Variants in CCDC7 observed in about 807,000 individuals in gnomAD.
CCDC7 encodes coiled-coil domain-containing protein 7.
CCDC7 carries 183 observed loss-of-function variants against 196.9 expected under a neutral mutation model. The observed-to-expected ratio is 0.93, with a 90% CI of 0.82 to 1.05. The LOEUF is 1.05. CCDC7 is among the 50% of genes least tolerant of loss of function. The pLI is 0.00. For synonymous variants in CCDC7, 525 were observed against 484.6 expected (o/e 1.08, Z -1.10); for missense variants, 1,540 against 1,482.2 (o/e 1.04, Z -0.64).
chr10:32,577,854 G>A (rs985268781), intron 16 of CCDC7, among the ~76,000 whole-genome samples: 2 of 152,178 alleles, frequency 1.3e-5, no homozygotes, highest in Non-Finnish European at 2.9e-5. Context: ...CCCATAATGC[G>A]ATAGGAATGT....
At chr10:32,607,854 T>C (rs1292243958) in intron 18 of CCDC7, among the ~76,000 whole-genome samples, 1 of 152,182 alleles carries the variant, frequency 6.6e-6, no homozygotes, top group African/African-American at 2.4e-5. Context: ...AATTTTCTCT[T>C]CAATTTTATG....
upstream of CCDC7, among the ~76,000 whole-genome samples, chr10:32,444,574 C>A (rs1028463754): frequency 6.6e-6 from 1 of 152,176 alleles, no homozygotes; most frequent in Non-Finnish European, 1.5e-5. Flanking sequence ...TAGAAAATAA[C>A]TGAAATTGGC....
intron 20 of CCDC7, among the ~76,000 whole-genome samples, chr10:32,641,317 A>G (rs936148707): frequency 3.3e-5 from 5 of 152,180 alleles, no homozygotes; most frequent in African/African-American, 1.2e-4. Context: ...GTCTTTTCAC[A>G]TAGTCCCATA....
At chr10:32,549,385 T>A (rs2053086827) in intron 13 of CCDC7, among the ~76,000 whole-genome samples, 1 of 152,212 alleles carries the variant, frequency 6.6e-6, no homozygotes, top group South Asian at 2.1e-4. Flanking sequence ...CTGCTGACTG[T>A]TCCTTTTGCC....
At chr10:32,572,622 T>C (rs2057709759) in intron 16 of CCDC7, among the ~76,000 whole-genome samples, 1 of 152,148 alleles carries the variant, frequency 6.6e-6, no homozygotes, top group African/African-American at 2.4e-5. Flanking sequence ...TAACTAAACA[T>C]ATACTAAAAA....
Position 32,711,592 on chromosome 10 carries a change from A to G in CCDC7, c.2459-28A>G, listed in dbSNP as rs2080848553. Reference sequence around the variant, plus strand: ...TTCATAGTAGATTTGTTTTTCTAGTAAGGGACTAAATTTCTCTCTTAACAT... The same window carrying G: ...TTCATAGTAGATTTGTTTTTCTAGTGAGGGACTAAATTTCTCTCTTAACAT... On this transcript the variant is annotated intron_variant, in intron 24 of 41. Transcript: ENST00000639629. 3 of 1,355,196 alleles carry G rather than the reference A, an allele frequency of 2.2e-6. No individual in the cohort carries two copies. The African/African-American group carries it at 4.5e-5, about 20-fold the overall frequency. 83.9% of individuals were successfully genotyped at this position (1,355,196 alleles called of 1,614,324 possible).
In CCDC7 at chr10:32,462,150, C is replaced by T. The variant is rs114400575; in HGVS notation, c.457-533C>T. Among the ~76,000 whole-genome samples the T allele has an allele frequency of 8.6e-3, 1,303 of 152,098 alleles. 27 individuals are homozygous for T. The highest frequency in any genetic ancestry group is 0.029 in the African/African-American group (1,203 of 41,492). On this transcript the variant is annotated intron_variant, in intron 3 of 41. Transcript: ENST00000639629. ...CCACCTAATATAGATATATTAGGGC[C>T]AGGCATGATGGCTCATGCTCAGTGT...
At chr10:32,707,534 C>T (rs1386365187) in intron 24 of CCDC7, among the ~76,000 whole-genome samples, 4 of 152,106 alleles carry the variant, frequency 2.6e-5, no homozygotes, top group Non-Finnish European at 5.9e-5. Context: ...TCAAATTATC[C>T]CTGTTTGCAG....
rs530534728 is a variant in CCDC7 at position 32,579,720 on chromosome 10, G to A, written c.1455-3314G>A. On this transcript the variant is annotated intron_variant, in intron 16 of 41. Coordinates refer to ENST00000639629, the Ensembl canonical transcript of CCDC7. ...ACTTAATCTGAGATTATGGTGTCCC[G>A]TAATTCCTTAGCTACCTGATCACTA... Among the ~76,000 whole-genome samples the A allele has an allele frequency of 9.2e-5, 14 of 152,128 alleles. No homozygotes were observed. In the East Asian group the frequency reaches 1.2e-3, roughly 13 times the overall value.
rs536065119 is a variant in CCDC7 at position 32,707,958 on chromosome 10, T to C, written c.2459-3662T>C. Among the ~76,000 whole-genome samples the C allele has an allele frequency of 3.3e-5, 5 of 152,180 alleles. No individual in the cohort carries two copies. In the East Asian group the frequency reaches 9.7e-4, roughly 29 times the overall value. On this transcript the variant is annotated intron_variant, in intron 24 of 41. Transcript: ENST00000639629. Reference sequence around the variant, plus strand: ...GCTACCAATGACTTTCTTCACAGAATTGGAAAAAACTACTTTAAAGTTCAT... The same window carrying C: ...GCTACCAATGACTTTCTTCACAGAACTGGAAAAAACTACTTTAAAGTTCAT...
intron 9 of CCDC7, among the ~76,000 whole-genome samples, chr10:32,502,948 T>G (rs1287211925): frequency 6.6e-6 from 1 of 152,202 alleles, no homozygotes; most frequent in Non-Finnish European, 1.5e-5. Flanking sequence ...GCCTTCTTTT[T>G]TAGATAGTTT....
At chr10:32,467,204 C>T (rs1472876172) in intron 5 of CCDC7, among the ~76,000 whole-genome samples, 1 of 151,688 alleles carries the variant, frequency 6.6e-6, no homozygotes, top group Non-Finnish European at 1.5e-5. Flanking sequence ...TGGGTTCAAG[C>T]AATTGTCCTG....
intron 29 of CCDC7, among the ~76,000 whole-genome samples, chr10:32,801,861 G>A (rs2084860967): frequency 6.6e-6 from 1 of 152,154 alleles, no homozygotes; most frequent in Non-Finnish European, 1.5e-5. Flanking sequence ...CACTTGGAGT[G>A]GGGAGGCTGT....
upstream of CCDC7, among the ~76,000 whole-genome samples, chr10:32,448,821 A>G (rs1385543494): frequency 6.6e-6 from 1 of 152,058 alleles, no homozygotes; most frequent in African/African-American, 2.4e-5. Context: ...CTAATTATTT[A>G]TATTTTTTTC....
upstream of CCDC7, among the ~76,000 whole-genome samples, chr10:32,449,288 G>A (rs532935278): frequency 3.3e-5 from 5 of 152,242 alleles, no homozygotes; most frequent in South Asian, 1.0e-3. Context: ...CCGAGTTCAA[G>A]CGATTCTCCT....
chr10:32,564,838 G>C (rs2056506814), intron 13 of CCDC7, among the ~76,000 whole-genome samples: 1 of 152,058 alleles, frequency 6.6e-6, no homozygotes, highest in South Asian at 2.1e-4. Flanking sequence ...GGCTGGGTGT[G>C]TGGTGGCTCA....
At chr10:32,552,155 C>T (rs761006898) in intron 13 of CCDC7, among the ~76,000 whole-genome samples, 11 of 152,102 alleles carry the variant, frequency 7.2e-5, no homozygotes, top group Non-Finnish European at 1.2e-4. Context: ...ACAAAATATC[C>T]TTCTTTGTCT....
chr10:32,812,015 C>A (rs2087256852), intron 30 of CCDC7, among the ~76,000 whole-genome samples: 2 of 152,016 alleles, frequency 1.3e-5, no homozygotes, highest in Admixed American at 1.3e-4. Flanking sequence ...ATTCAACATT[C>A]CTTCATGATA....
intron 32 of CCDC7, among the ~76,000 whole-genome samples, chr10:32,827,573 T>A (rs2091316417): frequency 6.7e-6 from 1 of 148,842 alleles, no homozygotes; most frequent in Non-Finnish European, 1.5e-5. Context: ...GTGTTCTCAC[T>A]CATAGATGGG....
Sources: allele counts gnomAD v4.1 joint callset (sites outside exome capture counted in the v4.1 genomes callset), GRCh38; gene constraint gnomAD v4.1.1; transcripts MANE v1.5; gene names NCBI Gene and HGNC (gene_info 2026-07-23, HGNC 2026-07-21).